The following CFAP54 variants were observed in gnomAD, a reference collection of about 807,000 sequenced individuals.
The protein encoded by CFAP54 is cilia- and flagella-associated protein 54.
A neutral mutation model predicts 370.4 loss-of-function variants in CFAP54; 290 were observed. That is an observed-to-expected ratio of 0.78 (90% CI 0.71 to 0.86). The LOEUF (loss-of-function observed/expected upper bound fraction) is 0.86, where lower values mean the gene tolerates loss of function less well. CFAP54 is among the 40% of genes least tolerant of loss of function. The probability of loss-of-function intolerance (pLI) is 0.00; values close to 1 mark genes in which losing one functional copy is unlikely to be tolerated. For missense variants in CFAP54, 3,399 were observed against 3,528.7 expected (o/e 0.96, Z 0.93); for synonymous variants, 1,206 against 1,236.5 (o/e 0.98, Z 0.52).
At chr12:96,731,509 T>C in intron 50 of CFAP54, among the ~76,000 whole-genome samples, 1 of 152,204 alleles carries the variant, frequency 6.6e-6, no homozygotes, top group South Asian at 2.1e-4. Context: ...ATGAGCCAAG[T>C]GAGTATGCCA....
intron 66 of CFAP54, among the ~76,000 whole-genome samples, chr12:96,853,701 G>A (rs1480846195): frequency 6.6e-6 from 1 of 152,104 alleles, no homozygotes; most frequent in Non-Finnish European, 1.5e-5. Context: ...TGTCTAGAAA[G>A]GAAGGCATAA....
intron 1 of CFAP54, among the ~76,000 whole-genome samples, chr12:96,492,305 G>T (rs1954893262): frequency 6.6e-6 from 1 of 152,148 alleles, no homozygotes; most frequent in South Asian, 2.1e-4. Context: ...TGTTGACCCT[G>T]CCTGCCTTTC....
At chr12:96,589,227 G>A (rs1956102518) in intron 22 of CFAP54, among the ~76,000 whole-genome samples, 200 bp from the exon 23 acceptor site, 1 of 152,206 alleles carries the variant, frequency 6.6e-6, no homozygotes, top group Non-Finnish European at 1.5e-5. Flanking sequence ...TTTCAAAAAT[G>A]TATCTGTCTC....
intron 1 of CFAP54, among the ~76,000 whole-genome samples, chr12:96,497,812 A>T (rs534822486): frequency 6.6e-6 from 1 of 152,366 alleles, no homozygotes; most frequent in Admixed American, 6.5e-5. Context: ...GCCTACCTGC[A>T]TGTAGACCTA....
Position 96,811,844 on chromosome 12 carries a change from C to T in CFAP54, c.8957+2C>T, listed in dbSNP as rs2136727248. On this transcript the variant is annotated splice_donor_variant, in intron 64 of 67. Transcript: ENST00000524981. LOFTEE classifies it low-confidence loss of function (GC_TO_GT_DONOR). ...CTCTTTATGGATTCCACTGAATAGG[C>T]AAGTAAAAATTCCACAACTCGAATT... 2.8e-6 allele frequency: 4 copies of T among 1,451,722 alleles called. No individual in the cohort carries two copies. Among genetic ancestry groups the T allele is most frequent in the Middle Eastern group, 3.5e-4 (2 of 5,708 alleles). 89.9% of individuals were successfully genotyped at this position (1,451,722 alleles called of 1,614,324 possible).
chr12:96,684,573 A>T, intron 40 of CFAP54, 75 bp from the exon 41 acceptor site: 1 of 1,283,604 alleles, frequency 7.8e-7, no homozygotes, highest in Non-Finnish European at 1.1e-6. Flanking sequence ...AGTGCAGTTT[A>T]AAAAATTCTT....
intron 26 of CFAP54, among the ~76,000 whole-genome samples, chr12:96,604,861 G>T (rs962464382): frequency 1.3e-5 from 2 of 152,214 alleles, no homozygotes; most frequent in African/African-American, 4.8e-5. Context: ...GAAGTGTACC[G>T]TTCCTCCAGG....
chr12:96,820,689 A>G (rs2136740575), intron 65 of CFAP54, among the ~76,000 whole-genome samples: 1 of 152,362 alleles, frequency 6.6e-6, no homozygotes, highest in South Asian at 2.1e-4. Flanking sequence ...AATATATCAG[A>G]TAACTCAAAC....
At chr12:96,553,546 A>ATATATGTATAGTAATATATATAGT (rs1955719998) in intron 15 of CFAP54, among the ~76,000 whole-genome samples, 1 of 67,924 alleles carries the variant, frequency 1.5e-5, no homozygotes, top group Non-Finnish European at 3.0e-5. Context: ...ATATATAGTA[A>ATATATGTATAGTAATATATATAGT]TATATGTATA....
In CFAP54 at chr12:96,684,708, GTC is replaced by G. The variant is rs1957305886; in HGVS notation, c.5779_5780del (p.Leu1927SerfsTer12). 6.2e-7 allele frequency: 1 copy of G among 1,612,908 alleles called. No individual in the cohort carries two copies. Among genetic ancestry groups the G allele is most frequent in the Non-Finnish European group, 8.5e-7 (1 of 1,179,634 alleles). On this transcript the variant is annotated frameshift_variant, in exon 41 of 68. Coordinates refer to ENST00000524981, the MANE Select transcript of CFAP54 (RefSeq NM_001306084.2). LOFTEE classifies it high-confidence loss of function. ...GTTCAGGCGTTGCATTCACTTGGAA[GTC>G]TTCTCATCTTCGCAGAAAAGAAAAG...
chr12:96,689,445 G>GCTAC (rs1186264607), intron 43 of CFAP54, among the ~76,000 whole-genome samples: 3 of 152,172 alleles, frequency 2.0e-5, no homozygotes, highest in Admixed American at 6.5e-5. Flanking sequence ...ATAGGCGTGA[G>GCTAC]CTACCATGCC....
Position 96,649,886 on chromosome 12 carries a change from T to C in CFAP54, c.4691-5T>C, listed in dbSNP as rs1956838207. 1.3e-6 allele frequency: 2 copies of C among 1,568,674 alleles called. No individual in the cohort carries two copies. Among genetic ancestry groups the C allele is most frequent in the Non-Finnish European group, 1.7e-6 (2 of 1,151,606 alleles). On this transcript the variant is annotated splice_region_variant and splice_polypyrimidine_tract_variant and intron_variant, in intron 34 of 67. Transcript: ENST00000524981. ...ATCATGTCATATCTTATTTTTGTAC[T>C]GTAGATGCTGAAGAATTTTCTACAT...
chr12:96,674,299 A>G (rs984367358), intron 39 of CFAP54, among the ~76,000 whole-genome samples: 11 of 137,686 alleles, frequency 8.0e-5, no homozygotes, highest in Non-Finnish European at 9.5e-5. Context: ...TTCAGCTTTC[A>G]TTTCTAGAGT....
At chr12:96,707,451 G>A (rs1210146078) in intron 47 of CFAP54, among the ~76,000 whole-genome samples, 2 of 152,130 alleles carry the variant, frequency 1.3e-5, no homozygotes, top group East Asian at 1.9e-4. Flanking sequence ...GGGTTAAGAC[G>A]TAGGGATGGA....
At chr12:96,862,270 A>G (rs1311617439) in intron 67 of CFAP54, among the ~76,000 whole-genome samples, 2 of 152,188 alleles carry the variant, frequency 1.3e-5, no homozygotes, top group Non-Finnish European at 1.5e-5. Flanking sequence ...TTGTTAAAAA[A>G]TTTTGCTAGA....
chr12:96,857,401 G>C (rs573038836), intron 66 of CFAP54, among the ~76,000 whole-genome samples: 65 of 152,188 alleles, frequency 4.3e-4, no homozygotes, highest in Admixed American at 1.0e-3. Context: ...TTGGTTTTCT[G>C]TTCCTGCGTT....
intron 4 of CFAP54, among the ~76,000 whole-genome samples, chr12:96,510,252 CAAA>C (rs199654204): frequency 1.0e-3 from 89 of 88,418 alleles, no homozygotes; most frequent in African/African-American, 2.8e-3. Context: ...GACTCCATCT[CAAA>C]AAAAAAAAAA....
At chr12:96,874,237 C>T (rs994353033) in intron 67 of CFAP54, among the ~76,000 whole-genome samples, 2 of 152,134 alleles carry the variant, frequency 1.3e-5, no homozygotes, top group Admixed American at 6.5e-5. Flanking sequence ...TTGACACTCC[C>T]GTGGAATTGA....
intron 30 of CFAP54, among the ~76,000 whole-genome samples, chr12:96,628,875 C>T (rs1274966129): frequency 6.6e-6 from 1 of 151,514 alleles, no homozygotes; most frequent in Non-Finnish European, 1.5e-5. Context: ...TCCCATTTAT[C>T]ATATTAAGCA....
Sources: allele counts gnomAD v4.1 joint callset (sites outside exome capture counted in the v4.1 genomes callset), GRCh38; gene constraint gnomAD v4.1.1; transcripts MANE v1.5; gene names NCBI Gene and HGNC (gene_info 2026-07-23, HGNC 2026-07-21).